Variants in KCNQ1 observed in about 807,000 individuals in gnomAD.
The protein encoded by KCNQ1 is potassium voltage-gated channel subfamily KQT member 1.
A neutral mutation model predicts 72.4 loss-of-function variants in KCNQ1; 49 were observed. The ratio of observed to expected loss-of-function variants is 0.68; its 90% CI spans 0.54 to 0.86. The LOEUF is 0.86. KCNQ1 is among the 40% of genes least tolerant of loss of function. KCNQ1 has a pLI of 0.00. For missense variants in KCNQ1, 790 were observed against 945.1 expected, an observed-to-expected ratio of 0.84 and a Z score of 2.15; for synonymous variants, 450 against 412.6, an observed-to-expected ratio of 1.09 and a Z score of -1.10.
In KCNQ1 at chr11:2,669,447, GC is replaced by G. The variant is rs1358915096; in HGVS notation, c.1514+7369del. 5.0e-6 allele frequency: 2 copies of G among 398,486 alleles called. No homozygotes were observed. The allele number at this position is 398,486 out of a possible 1,614,324, so 24.7% of individuals were successfully genotyped here. A position where few individuals can be genotyped will look rare whatever the true frequency, so the allele number is the denominator to read the frequency against. ...GGTTGACTTTCATATCTTTTACCTT[GC>G]CCTGTAGTTTTCAGTGTGGTGGTCA... On this transcript the variant is annotated intron_variant, in intron 11 of 15. Coordinates refer to ENST00000155840, the MANE Select transcript of KCNQ1 (RefSeq NM_000218.3). The surrounding 1 kb of genome is among the most constrained non-coding windows in gnomAD (Gnocchi z 5.6).
intron 5 of KCNQ1, 102 bp from the exon 6 acceptor site, chr11:2,572,744 A>G: frequency 6.7e-7 from 1 of 1,488,438 alleles, no homozygotes; most frequent in Non-Finnish European, 9.3e-7. Context: ...GGAGCGGCGT[A>G]GGACGCCCAG....
rs549564526 is a variant in KCNQ1 at position 2,710,822 on chromosome 11, T to G, written c.1514+48741T>G. ...GTTTATTTCTGGATTCTCAATTTTA[T>G]TCTATTGATTTGTTTGTCTATCCTT... On this transcript the variant is annotated intron_variant, in intron 11 of 15. Coordinates refer to ENST00000155840, the MANE Select transcript of KCNQ1 (RefSeq NM_000218.3). This position sits in a 1 kb window ranked among gnomAD's most constrained non-coding sequence, Gnocchi z 4.1. 2.6e-3 allele frequency among the ~76,000 whole-genome samples: 396 copies of G among 152,382 alleles called. No homozygotes were observed. Among genetic ancestry groups the G allele is most frequent in the African/African-American group, 8.8e-3 (365 of 41,596 alleles).
At chr11:2,794,873 T>C (rs561607821) in intron 15 of KCNQ1, among the ~76,000 whole-genome samples, 1 of 152,138 alleles carries the variant, frequency 6.6e-6, no homozygotes, top group South Asian at 2.1e-4. Flanking sequence ...GTCCACAGAT[T>C]ACCTTGTCTC....
At chr11:2,575,418 G>A (rs1848408327) in intron 6 of KCNQ1, among the ~76,000 whole-genome samples, 1 of 152,220 alleles carries the variant, frequency 6.6e-6, no homozygotes, top group Non-Finnish European at 1.5e-5. Context: ...CAGCTGCCCT[G>A]CAGCTGTCTG....
At position 2,565,776 on chromosome 11, in the gene KCNQ1, C is replaced by A. The variant is rs1246509661; in HGVS notation, c.478-4852C>A. The stretch of plus-strand genomic sequence containing the variant: ...CTCCGAGGCGTTTCTTCCCACTTCA[C>A]ATGTCTTTTCTGTTGTTTCTGCGAA... On this transcript the variant is annotated intron_variant, in intron 2 of 15. Transcript: ENST00000155840. This position sits in a 1 kb window ranked among gnomAD's most constrained non-coding sequence, Gnocchi z 5.6. 6.6e-6 allele frequency among the ~76,000 whole-genome samples: 1 copy of A among 152,222 alleles called. No homozygotes were observed. Among genetic ancestry groups the A allele is most frequent in the Non-Finnish European group, 1.5e-5 (1 of 68,044 alleles).
At chr11:2,474,838 G>C (rs758548679) in intron 1 of KCNQ1, among the ~76,000 whole-genome samples, 2 of 152,060 alleles carry the variant, frequency 1.3e-5, no homozygotes, top group Non-Finnish European at 2.9e-5. Flanking sequence ...CTCACGGTGG[G>C]GGACTTGCCT....
chr11:2,605,300 C>G, intron 10 of KCNQ1, among the ~76,000 whole-genome samples: 1 of 152,118 alleles, frequency 6.6e-6, no homozygotes, highest in South Asian at 2.1e-4. Flanking sequence ...TTTATGAAGT[C>G]CAATATATCT....
Position 2,676,629 on chromosome 11 carries a change from A to G in KCNQ1, c.1514+14548A>G. ...AGGCCTCTAAGAAATGGGTAGCTTC[A>G]CAGATTCACAGATAGATAGTTCATT... On this transcript the variant is annotated intron_variant, in intron 11 of 15. Coordinates refer to ENST00000155840, the MANE Select transcript of KCNQ1 (RefSeq NM_000218.3). The surrounding 1 kb of genome is among the most constrained non-coding windows in gnomAD (Gnocchi z 4.2). 2.5e-6 allele frequency: 1 copy of G among 398,648 alleles called. No individual in the cohort carries two copies. The highest frequency in any genetic ancestry group is 4.4e-6 in the Non-Finnish European group (1 of 226,076). 24.7% of individuals were successfully genotyped at this position (398,648 alleles called of 1,614,324 possible). A position where few individuals can be genotyped will look rare whatever the true frequency, so the allele number is the denominator to read the frequency against.
rs9704861 is a variant in KCNQ1, at chr11:2,549,696, A to G, written c.478-20932A>G. On this transcript the variant is annotated intron_variant, in intron 2 of 15. Coordinates refer to ENST00000155840, the MANE Select transcript of KCNQ1 (RefSeq NM_000218.3). The surrounding 1 kb of genome is among the most constrained non-coding windows in gnomAD (Gnocchi z 6.2). ...GAACAAGAGGCGTTTTGTGTTCTGCATGGGTGGCCCTGGGCTCCCCAGGCC... is the reference window on the plus strand; with the variant it reads ...GAACAAGAGGCGTTTTGTGTTCTGCGTGGGTGGCCCTGGGCTCCCCAGGCC... 0.99 allele frequency among the ~76,000 whole-genome samples: 149,978 copies of G among 151,968 alleles called. 74,037 individuals are homozygous for G. The highest frequency in any genetic ancestry group is 1 in the Middle Eastern group (294 of 294).
chr11:2,757,509 A>G (rs1846322824), intron 11 of KCNQ1, among the ~76,000 whole-genome samples: 1 of 152,240 alleles, frequency 6.6e-6, no homozygotes, highest in Admixed American at 6.5e-5. Flanking sequence ...AGAATTACCT[A>G]TAAATATAGC....
rs1344952936 is a variant in KCNQ1 at position 2,509,636 on chromosome 11, G to A, written c.387-18292G>A. On this transcript the variant is annotated intron_variant, in intron 1 of 15. Coordinates refer to ENST00000155840, the MANE Select transcript of KCNQ1 (RefSeq NM_000218.3). The surrounding 1 kb of genome is among the most constrained non-coding windows in gnomAD (Gnocchi z 6.3). Reference sequence around the variant, plus strand: ...CCCAGATGGCCACGGAGGTGTCAGCGTTTCACTCCCAGCACGTCACGCCAC... The same window carrying A: ...CCCAGATGGCCACGGAGGTGTCAGCATTTCACTCCCAGCACGTCACGCCAC... 6.6e-6 allele frequency among the ~76,000 whole-genome samples: 1 copy of A among 152,264 alleles called. No homozygotes were observed. The highest frequency in any genetic ancestry group is 1.9e-4 in the East Asian group (1 of 5,174).
intron 1 of KCNQ1, among the ~76,000 whole-genome samples, chr11:2,474,881 C>T (rs1290803641): frequency 6.6e-6 from 1 of 152,088 alleles, no homozygotes; most frequent in Non-Finnish European, 1.5e-5. Flanking sequence ...ACATCGGGCC[C>T]TTTTACAGAT....
rs551363067 is a variant in KCNQ1, at chr11:2,469,523, G to A, written c.386+24039G>A. On this transcript the variant is annotated intron_variant, in intron 1 of 15. Transcript: ENST00000155840. ...CCTGACCTCGTGATCCACCTGCCTC[G>A]GCCTCCCAAAGTGCTGGGATTACAG... is the stretch of plus-strand genomic sequence containing the variant. Among the ~76,000 whole-genome samples the A allele has an allele frequency of 9.9e-5, 15 of 150,988 alleles. No individual in the cohort carries two copies. The South Asian group carries it at 1.7e-3, about 17-fold the overall frequency.
chr11:2,670,514 A>AG lies in KCNQ1; in HGVS notation c.1514+8434dup, dbSNP rs1850164127. 6 of 397,706 alleles carry AG rather than the reference A, an allele frequency of 1.5e-5. No individual in the cohort carries two copies. Among genetic ancestry groups the AG allele is most frequent in the Admixed American group, 8.9e-5 (2 of 22,592 alleles). 24.6% of individuals were successfully genotyped at this position (397,706 alleles called of 1,614,324 possible). A position where few individuals can be genotyped will look rare whatever the true frequency, so the allele number is the denominator to read the frequency against. The stretch of plus-strand genomic sequence containing the variant: ...TAGTGGGCCTGTCCTCCCAGCTCAC[A>AG]GAAGGGGAAATTGAAGCCTCAAGAA... On this transcript the variant is annotated intron_variant, in intron 11 of 15. Coordinates refer to ENST00000155840, the MANE Select transcript of KCNQ1 (RefSeq NM_000218.3). The surrounding 1 kb of genome is among the most constrained non-coding windows in gnomAD (Gnocchi z 4.9).
In KCNQ1 at chr11:2,557,589, A is replaced by G. The variant is rs145439160; in HGVS notation, c.478-13039A>G. On this transcript the variant is annotated intron_variant, in intron 2 of 15. Coordinates refer to ENST00000155840, the MANE Select transcript of KCNQ1 (RefSeq NM_000218.3). The stretch of plus-strand genomic sequence containing the variant: ...CTGGCAGGGCTCAGTGGGACGGCTC[A>G]TCTCCCCTCTGCATAGTATCAGCTG... Among the ~76,000 whole-genome samples, 427 of 152,352 alleles carry G rather than the reference A, an allele frequency of 2.8e-3. 1 individual carries two copies. Among genetic ancestry groups the G allele is most frequent in the Middle Eastern group, 0.027 (8 of 294 alleles).
At position 2,828,724 on chromosome 11, in the gene KCNQ1, G is replaced by A. The variant is rs760628646; in HGVS notation, c.1795-19043G>A. Among the ~76,000 whole-genome samples the A allele has an allele frequency of 5.3e-5, 8 of 152,178 alleles. No homozygotes were observed. Among genetic ancestry groups the A allele is most frequent in the African/African-American group, 7.2e-5 (3 of 41,438 alleles). On this transcript the variant is annotated intron_variant, in intron 15 of 15. Transcript: ENST00000155840. This position sits in a 1 kb window ranked among gnomAD's most constrained non-coding sequence, Gnocchi z 5.3. ...AGTTGTGGGTGGGGCAGGAGCTCTC[G>A]TGATGAAAACAACAGGGATTCAGTA...
rs1032591191 is a variant in KCNQ1, at chr11:2,463,828, C to T, written c.386+18344C>T. 7.9e-5 allele frequency among the ~76,000 whole-genome samples: 12 copies of T among 152,222 alleles called. No homozygotes were observed. Among genetic ancestry groups the T allele is most frequent in the Admixed American group, 5.2e-4 (8 of 15,290 alleles). ...CCGGATGGCCCGGCCCCCGCTACCACGTGGAGGCTCCCTGTAGGTGCTTGT... is the reference window on the plus strand; with the variant it reads ...CCGGATGGCCCGGCCCCCGCTACCATGTGGAGGCTCCCTGTAGGTGCTTGT... On this transcript the variant is annotated intron_variant, in intron 1 of 15. Coordinates refer to ENST00000155840, the MANE Select transcript of KCNQ1 (RefSeq NM_000218.3). This position sits in a 1 kb window ranked among gnomAD's most constrained non-coding sequence, Gnocchi z 7.0.
rs1388327162 is a variant in KCNQ1 at position 2,617,715 on chromosome 11, T to A, written c.1393+28861T>A. The stretch of plus-strand genomic sequence containing the variant: ...GAGTTCCCTAACCCTAGCCAACACT[T>A]AATAGCTATTCTCATGAGTGTGAGG... On this transcript the variant is annotated intron_variant, in intron 10 of 15. Coordinates refer to ENST00000155840, the MANE Select transcript of KCNQ1 (RefSeq NM_000218.3). The surrounding 1 kb of genome is among the most constrained non-coding windows in gnomAD (Gnocchi z 4.6). 9 of 398,420 alleles carry A rather than the reference T, an allele frequency of 2.3e-5. No homozygotes were observed. Among genetic ancestry groups the A allele is most frequent in the African/African-American group, 4.1e-5 (2 of 48,626 alleles). 24.7% of individuals were successfully genotyped at this position (398,420 alleles called of 1,614,324 possible). A position where few individuals can be genotyped will look rare whatever the true frequency, so the allele number is the denominator to read the frequency against.
chr11:2,469,300 C>T (rs1589896974), intron 1 of KCNQ1, among the ~76,000 whole-genome samples: 2 of 151,522 alleles, frequency 1.3e-5, no homozygotes, highest in African/African-American at 2.4e-5. Context: ...GAGAATCTCA[C>T]TCTCCGTCTC....
Sources: gnomAD v4.1 joint callset for allele counts (sites outside exome capture counted in the v4.1 genomes callset) on GRCh38, gnomAD v4.1.1 for gene constraint, Gnocchi (gnomAD v3.1) non-coding constraint, MANE v1.5 for transcripts, NCBI Gene and HGNC (gene_info 2026-07-23, HGNC 2026-07-21) for gene names.